AMPD2: variants seen among roughly 807,000 people sequenced by gnomAD.
The protein encoded by AMPD2 is AMP deaminase 2.
In AMPD2, 52 loss-of-function variants were observed where a neutral mutation model predicts 91.3. The observed-to-expected ratio is 0.57, with a 90% CI of 0.46 to 0.72. AMPD2 has a LOEUF of 0.72. Among genes scored for constraint, AMPD2 ranks in the 30% least tolerant of loss-of-function variants. The pLI is 0.00. For synonymous variants in AMPD2, 455 were observed against 456.4 expected, an observed-to-expected ratio of 1.00 and a Z score of 0.04; for missense variants, 822 against 1,122.3, an observed-to-expected ratio of 0.73 and a Z score of 3.82.
At position 109,628,814 on chromosome 1, in the gene AMPD2, TC is replaced by T. The variant is rs1165105371; in HGVS notation, c.1571+11del. On this transcript the variant is annotated intron_variant, in intron 13 of 18. Transcript: ENST00000528667. The surrounding 1 kb of genome is among the most constrained non-coding windows in gnomAD (Gnocchi z 7.1). ...GCAGGTGCCCCGCCTCTTGTGAGTG[TC>T]CCTGGAGTGGGAGGGGAACCTGCGG... 1.3e-6 allele frequency: 2 copies of T among 1,554,732 alleles called. No homozygotes were observed. The highest frequency in any genetic ancestry group is 2.7e-5 in the African/African-American group (2 of 73,254).
rs374024570 is a variant in AMPD2 at position 109,624,223 on chromosome 1, C to T, written c.92-1080C>T. ...GAAATGGGCGCAGAGACTTTAAGGC[C>T]GGCTACCTAGGCAGATCCTGTAATC... is the stretch of plus-strand genomic sequence containing the variant. On this transcript the variant is annotated intron_variant, in intron 2 of 18. Coordinates refer to ENST00000528667, the MANE Select transcript of AMPD2 (RefSeq NM_001368809.2). The surrounding 1 kb of genome is among the most constrained non-coding windows in gnomAD (Gnocchi z 5.2). 9 of 332,216 alleles carry T rather than the reference C, an allele frequency of 2.7e-5. No homozygotes were observed. Among genetic ancestry groups the T allele is most frequent in the Admixed American group, 1.3e-4 (2 of 15,494 alleles). 20.6% of individuals were successfully genotyped at this position (332,216 alleles called of 1,614,324 possible). A position where few individuals can be genotyped will look rare whatever the true frequency, so the allele number is the denominator to read the frequency against.
chr1:109,621,100 G>A lies in AMPD2; in HGVS notation c.-76G>A, dbSNP rs1448816804. ...TCCCGCTGGGGGCGGGGCGGAGGAA[G>A]GGGTTGGATGTGGCAGAGCCAGGCC... On this transcript the variant is annotated 5_prime_UTR_variant, in exon 2 of 19. Transcript: ENST00000528667. 1 of 1,606,428 alleles carries A rather than the reference G, an allele frequency of 6.2e-7. No homozygotes were observed. The highest frequency in any genetic ancestry group is 8.5e-7 in the Non-Finnish European group (1 of 1,176,936).
At position 109,631,381 on chromosome 1, in the gene AMPD2, C is replaced by T. The variant is rs551155431; in HGVS notation, c.*229C>T. On this transcript the variant is annotated 3_prime_UTR_variant, in exon 19 of 19. Transcript: ENST00000528667. ...GCCTGATGGCCCAGGTATTGAGGGC[C>T]TCCCCTGCTGGTGGCCCTGTCCTGG... 6.0e-5 allele frequency: 35 copies of T among 588,144 alleles called. No homozygotes were observed. Among genetic ancestry groups the T allele is most frequent in the African/African-American group, 4.7e-4 (25 of 53,744 alleles). The allele number at this position is 588,144 out of a possible 1,614,324, so 36.4% of individuals were successfully genotyped here.
intron 7 of AMPD2, 80 bp from the exon 8 acceptor site, chr1:109,627,095 G>C: frequency 6.3e-7 from 1 of 1,596,238 alleles, no homozygotes. Flanking sequence ...AACATCTCTT[G>C]CCCTCTGTGG....
chr1:109,625,925 C>T lies in AMPD2; in HGVS notation c.353+133C>T, dbSNP rs1401369599. 14 of 1,407,958 alleles carry T rather than the reference C, an allele frequency of 9.9e-6. No homozygotes were observed. The highest frequency in any genetic ancestry group is 1.4e-5 in the African/African-American group (1 of 69,904). 87.2% of individuals were successfully genotyped at this position (1,407,958 alleles called of 1,614,324 possible). Reference sequence around the variant, plus strand: ...GGGAGCATAGAGTGGGCTTTGGAGTCGGGCTGCTGGGTTCTGTTCTGTCTT... The same window carrying T: ...GGGAGCATAGAGTGGGCTTTGGAGTTGGGCTGCTGGGTTCTGTTCTGTCTT... On this transcript the variant is annotated intron_variant, in intron 4 of 18. Transcript: ENST00000528667. The surrounding 1 kb of genome is among the most constrained non-coding windows in gnomAD (Gnocchi z 4.0).
intron 17 of AMPD2, 136 bp from the exon 18 acceptor site, chr1:109,630,547 G>C (rs1651134731): frequency 9.8e-7 from 1 of 1,015,594 alleles, no homozygotes; most frequent in Non-Finnish European, 1.4e-6. Context: ...CAATTGACAA[G>C]TCTTATGGAG....
At chr1:109,626,584 G>T in intron 6 of AMPD2, 142 bp from the exon 7 acceptor site, 1 of 1,341,456 alleles carries the variant, frequency 7.5e-7, no homozygotes, top group Non-Finnish European at 1.0e-6. Flanking sequence ...GCCACTTGAT[G>T]TGCTGGACCA....
chr1:109,628,566 G>A lies in AMPD2; in HGVS notation c.1407+71G>A, dbSNP rs145498213. On this transcript the variant is annotated intron_variant, in intron 12 of 18. Coordinates refer to ENST00000528667, the MANE Select transcript of AMPD2 (RefSeq NM_001368809.2). This position sits in a 1 kb window ranked among gnomAD's most constrained non-coding sequence, Gnocchi z 7.1. ...GGGGCTTTTAGGGGGTGAGACTCAA[G>A]GAGGGTAGGCAGATGACCCCCTGAA... 381 of 1,612,112 alleles carry A rather than the reference G, an allele frequency of 2.4e-4. 4 individuals are homozygous for A. The East Asian group carries it at 8.5e-3, about 36-fold the overall frequency.
Position 109,628,480 on chromosome 1 carries a change from T to G in AMPD2, c.1392T>G (p.Phe464Leu). ...ACAACAGGGTATCTGGGAAGTACTT[T>G]GCTCACATCATCAAGGTAAGGAGGC... ...KTDNRVSGKY[F>L]AHIIKEVMSD... Residue 464 changes from phenylalanine to leucine, a missense_variant, in exon 12 of 19, where the codon TTT becomes TTG. By Grantham distance (22) the Phe-to-Leu change is conservative. This residue lies in a region of AMPD2 where 430 missense variants were observed against 606.0 expected (regional missense o/e 0.71). Coordinates refer to ENST00000528667, the MANE Select transcript of AMPD2 (RefSeq NM_001368809.2). The surrounding 1 kb of genome is among the most constrained non-coding windows in gnomAD (Gnocchi z 7.1). The G allele has an allele frequency of 6.2e-7, 1 of 1,612,684 alleles. No homozygotes were observed. The highest frequency in any genetic ancestry group is 8.5e-7 in the Non-Finnish European group (1 of 1,179,998).
chr1:109,623,947 C>G, intron 2 of AMPD2: 2 of 965,154 alleles, frequency 2.1e-6, no homozygotes, highest in Non-Finnish European at 2.5e-6. Flanking sequence ...GCTCCGTGCT[C>G]ACGGCCATCT....
rs1264840897 is a variant in AMPD2, at chr1:109,626,335, G to A, written c.439G>A (p.Gly147Ser). 8.7e-6 allele frequency: 14 copies of A among 1,613,312 alleles called. No individual in the cohort carries two copies. Among genetic ancestry groups the A allele is most frequent in the Non-Finnish European group, 1.1e-5 (13 of 1,179,578 alleles). The change falls in exon 6 of 19, where the codon GGT becomes AGT. Residue 147 changes from glycine (G) to serine (S), a missense_variant. By Grantham distance (56) the Gly-to-Ser change is moderately conservative (BLOSUM62 0). Transcript: ENST00000528667. ...DSDLQLYKEQ[G>S]EGQGDRSLRE... ...CCCCTGCAGGCTCTACAAGGAACAGGGTGAGGGGCAGGGTGACCGGAGCCT... is the reference window on the plus strand; with the variant it reads ...CCCCTGCAGGCTCTACAAGGAACAGAGTGAGGGGCAGGGTGACCGGAGCCT...
chr1:109,626,020 A>C, intron 4 of AMPD2, 140 bp from the exon 5 acceptor site: 1 of 1,137,948 alleles, frequency 8.8e-7, no homozygotes, highest in Non-Finnish European at 1.3e-6. Context: ...AAAGTGAGTG[A>C]GAACAGCACA....
At position 109,630,743 on chromosome 1, in the gene AMPD2, A is replaced by G; in HGVS notation, c.2218A>G (p.Met740Val). 6.2e-7 allele frequency: 1 copy of G among 1,612,130 alleles called. No individual in the cohort carries two copies. Among genetic ancestry groups the G allele is most frequent in the Non-Finnish European group, 8.5e-7 (1 of 1,179,434 alleles). The stretch of plus-strand genomic sequence containing the variant: ...GGTGTGGAAGCTCAGCTCCTGCGAT[A>G]TGTGTGAGCTGGCCCGCAACAGCGT... ...TQVWKLSSCDMCELARNSVLM... is the reference protein window; with the variant it reads ...TQVWKLSSCDVCELARNSVLM... The change falls in exon 18 of 19, where the codon ATG becomes GTG. Residue 740 changes from methionine (M) to valine (V), a missense_variant. Around this residue, in one of 5 missense-constraint regions of AMPD2, gnomAD observed 430 missense variants for 606.0 expected, o/e 0.71. Transcript: ENST00000528667.
Position 109,627,816 on chromosome 1 carries a change from G to A in AMPD2, c.993G>A (p.Lys331=). 1 of 1,614,058 alleles carries A rather than the reference G, an allele frequency of 6.2e-7. No homozygotes were observed. ...CYRRLQYLSS[K]FQMHVLLNEM... is the part of the protein sequence containing the mutation. The stretch of plus-strand genomic sequence containing the variant: ...GCCGGCTGCAGTACCTGAGCTCCAA[G>A]TTCCAGATGCATGTGCTACTCAATG... The change falls in exon 10 of 19, where the codon AAG becomes AAA. Residue 331 remains lysine (K), a synonymous_variant. Coordinates refer to ENST00000528667, the MANE Select transcript of AMPD2 (RefSeq NM_001368809.2).
Position 109,626,885 on chromosome 1 carries a change from C to A in AMPD2, c.691C>A (p.Gln231Lys). Reference sequence around the variant, plus strand: ...GCCTCTGGAGACCCGGACCTATGAACAGGGCCCCGACACCCCTGTGTCTGC... The same window carrying A: ...GCCTCTGGAGACCCGGACCTATGAAAAGGGCCCCGACACCCCTGTGTCTGC... ...EKPLETRTYE[Q>K]GPDTPVSADA... The change falls in exon 7 of 19, where the codon CAG becomes AAG. Residue 231 changes from glutamine to lysine, a missense_variant. Gln to Lys is a moderately conservative substitution (Grantham distance 53). Transcript: ENST00000528667. 6.2e-7 allele frequency: 1 copy of A among 1,613,614 alleles called. No individual in the cohort carries two copies. Among genetic ancestry groups the A allele is most frequent in the Non-Finnish European group, 8.5e-7 (1 of 1,179,772 alleles).
At chr1:109,620,835 C>T (rs1650185893) in intron 1 of AMPD2, 79 bp from the exon 2 acceptor site, 1 of 1,397,610 alleles carries the variant, frequency 7.2e-7, no homozygotes, top group Non-Finnish European at 9.3e-7. Flanking sequence ...GGTGAGGGCT[C>T]TTGGTGGGTT....
chr1:109,629,663 C>T, intron 15 of AMPD2, 133 bp from the exon 16 acceptor site: 10 of 1,458,118 alleles, frequency 6.9e-6, no homozygotes, highest in Non-Finnish European at 9.3e-6. Flanking sequence ...CAGTAATCTA[C>T]CCCTGTCCCC....
At chr1:109,620,653 T>G (rs1650162666) in intron 1 of AMPD2, 1 of 1,197,990 alleles carries the variant, frequency 8.3e-7, no homozygotes. Context: ...GGAAGGAAAG[T>G]GGGTGCTGGG....
intron 16 of AMPD2, 76 bp downstream of exon 16, chr1:109,629,992 G>A (rs1413137517): frequency 1.1e-5 from 17 of 1,528,738 alleles, no homozygotes; most frequent in Non-Finnish European, 1.3e-5. Context: ...TTCAGCAACC[G>A]ATCCTCCTCC....
Sources: allele counts gnomAD v4.1 joint callset, GRCh38; gene constraint gnomAD v4.1.1; regional missense constraint gnomAD v4.1.1; non-coding constraint Gnocchi (gnomAD v3.1); transcripts MANE v1.5; gene names NCBI Gene and HGNC (gene_info 2026-07-23, HGNC 2026-07-21).